The following RGS7 variants were observed in gnomAD, a reference collection of about 807,000 sequenced individuals.
The protein encoded by RGS7 is regulator of G protein signaling 7, also known as regulator of G-protein signaling 7.
Under a neutral mutation model 81.1 loss-of-function variants are expected in RGS7, and 27 were observed. The ratio of observed to expected loss-of-function variants is 0.33; its 90% confidence interval spans 0.25 to 0.46. RGS7 has a LOEUF of 0.46. RGS7 is among the 20% of genes least tolerant of loss of function. The probability of loss-of-function intolerance (pLI) is 1.00; values close to 1 mark genes in which losing one functional copy is unlikely to be tolerated. For missense variants in RGS7, 396 were observed against 607.4 expected, an observed-to-expected ratio of 0.65 and a Z score of 3.66; for synonymous variants, 208 against 207.7, an observed-to-expected ratio of 1.00 and a Z score of -0.01.
intron 2 of RGS7, among the ~76,000 whole-genome samples, chr1:241,259,323 G>T (rs1396330510): frequency 6.6e-6 from 1 of 151,910 alleles, no homozygotes; most frequent in Admixed American, 6.6e-5. Context: ...AAGTATAAGG[G>T]CCAAAAAGAC....
chr1:241,355,217 T>C (rs2083482224), intron 2 of RGS7, among the ~76,000 whole-genome samples: 1 of 152,196 alleles, frequency 6.6e-6, no homozygotes, highest in Admixed American at 6.5e-5. Flanking sequence ...ACTAGAATTG[T>C]TTAGTCAAGA....
At chr1:241,328,810 C>G (rs895093070) in intron 2 of RGS7, among the ~76,000 whole-genome samples, 3 of 152,164 alleles carry the variant, frequency 2.0e-5, no homozygotes, top group African/African-American at 7.2e-5. Context: ...ATTATCCCTA[C>G]CCCCAAATAA....
intron 2 of RGS7, among the ~76,000 whole-genome samples, chr1:241,150,401 A>G (rs2068659515): frequency 6.6e-6 from 1 of 152,146 alleles, no homozygotes; most frequent in Non-Finnish European, 1.5e-5. Context: ...CTTGTTTATC[A>G]GGATTTGAAA....
At chr1:240,910,204 G>T (rs967648912) in intron 6 of RGS7, among the ~76,000 whole-genome samples, 1 of 152,122 alleles carries the variant, frequency 6.6e-6, no homozygotes. Context: ...TTCCTCAAAA[G>T]GTCTTGGAGC....
chr1:240,777,211 C>T (rs112425368), intron 18 of RGS7, among the ~76,000 whole-genome samples: 4,026 of 151,956 alleles, frequency 0.026, 171 homozygotes, highest in African/African-American at 0.092. Flanking sequence ...GAACCCAGGA[C>T]GCGGAGGTTG....
At chr1:240,777,269 C>T (rs963774309) in intron 18 of RGS7, among the ~76,000 whole-genome samples, 7 of 149,924 alleles carry the variant, frequency 4.7e-5, no homozygotes, top group African/African-American at 7.5e-5. Context: ...GTGACAAGAG[C>T]GAGACTCTGT....
chr1:241,325,806 G>A (rs1469550722), intron 2 of RGS7, among the ~76,000 whole-genome samples: 1 of 152,064 alleles, frequency 6.6e-6, no homozygotes, highest in Non-Finnish European at 1.5e-5. Flanking sequence ...AGAGGGGAAG[G>A]GAGGAGGAAG....
chr1:241,140,661 T>C (rs77776558), intron 2 of RGS7, among the ~76,000 whole-genome samples: 1 of 152,260 alleles, frequency 6.6e-6, no homozygotes, highest in East Asian at 1.9e-4. Context: ...TCCTCCTGCC[T>C]TGGCCTCTCA....
chr1:241,245,034 C>T, intron 2 of RGS7, among the ~76,000 whole-genome samples: 1 of 151,826 alleles, frequency 6.6e-6, no homozygotes, highest in Non-Finnish European at 1.5e-5. Flanking sequence ...GTGCAGCACA[C>T]CAGCATGGCA....
At chr1:240,986,963 C>T (rs1685762279) in intron 3 of RGS7, among the ~76,000 whole-genome samples, 2 of 152,202 alleles carry the variant, frequency 1.3e-5, no homozygotes, top group Admixed American at 6.5e-5. Context: ...CGGATCTGAA[C>T]GGCAAACGAG....
At chr1:240,788,450 C>A (rs376973601) in intron 18 of RGS7, among the ~76,000 whole-genome samples, 3 of 152,252 alleles carry the variant, frequency 2.0e-5, no homozygotes, top group South Asian at 4.1e-4. Context: ...ACATCTAGGG[C>A]AGTGGTTTTC....
chr1:241,189,070 G>A (rs989169037), intron 2 of RGS7, among the ~76,000 whole-genome samples: 20 of 152,136 alleles, frequency 1.3e-4, no homozygotes, highest in African/African-American at 4.3e-4. Flanking sequence ...AAATTCCTGG[G>A]CTCAAGCGAT....
intron 3 of RGS7, among the ~76,000 whole-genome samples, chr1:241,018,926 T>C (rs1224648727): frequency 6.6e-6 from 1 of 152,176 alleles, no homozygotes; most frequent in African/African-American, 2.4e-5. Context: ...GTTTCAAAAT[T>C]GCCCTCAGGA....
At chr1:240,910,516 T>C (rs1459576337) in intron 6 of RGS7, among the ~76,000 whole-genome samples, 1 of 152,160 alleles carries the variant, frequency 6.6e-6, no homozygotes. Flanking sequence ...TAAATTCTAG[T>C]GTTCTGTAGC....
chr1:241,319,862 G>A (rs1015944028), intron 2 of RGS7, among the ~76,000 whole-genome samples: 5 of 152,260 alleles, frequency 3.3e-5, no homozygotes, highest in Admixed American at 3.3e-4. Flanking sequence ...GGAGGCTGAG[G>A]CGGGCAGATC....
intron 6 of RGS7, among the ~76,000 whole-genome samples, chr1:240,893,241 T>A (rs1485095177): frequency 6.6e-6 from 1 of 152,206 alleles, no homozygotes; most frequent in East Asian, 1.9e-4. Context: ...AGTGTTAACA[T>A]AGCCATAAAC....
chr1:240,982,569 C>T (rs574147456), intron 4 of RGS7, among the ~76,000 whole-genome samples: 18 of 151,756 alleles, frequency 1.2e-4, no homozygotes, highest in African/African-American at 4.1e-4. Context: ...CAATGTCCAA[C>T]ATGGTGAACA....
chr1:240,938,540 G>T (rs887566003), intron 4 of RGS7, among the ~76,000 whole-genome samples: 1 of 152,040 alleles, frequency 6.6e-6, no homozygotes, highest in African/African-American at 2.4e-5. Flanking sequence ...TAAACAATTT[G>T]TTGTTAAATT....
chr1:241,243,999 G>A (rs954495171), intron 2 of RGS7, among the ~76,000 whole-genome samples: 2 of 152,172 alleles, frequency 1.3e-5, no homozygotes, highest in African/African-American at 2.4e-5. Context: ...TGACAAAAAA[G>A]AGATCCTTTC....
Sources: allele counts gnomAD v4.1 joint callset (sites outside exome capture counted in the v4.1 genomes callset), GRCh38; gene constraint gnomAD v4.1.1; transcripts MANE v1.5; gene names NCBI Gene and HGNC (gene_info 2026-07-23, HGNC 2026-07-21).